Variants in AVIL observed in about 807,000 individuals in gnomAD.
AVIL encodes the protein advillin.
A neutral mutation model predicts 109.9 loss-of-function variants in AVIL; 78 were observed. That is an observed-to-expected ratio of 0.71 (90% CI 0.59 to 0.86). The LOEUF (loss-of-function observed/expected upper bound fraction) is 0.86. Among genes scored for constraint, AVIL ranks in the 40% least tolerant of loss-of-function variants. The probability of loss-of-function intolerance (pLI) is 0.00; values close to 1 mark genes in which losing one functional copy is unlikely to be tolerated. For missense variants in AVIL, 892 were observed against 1,016.5 expected (o/e 0.88, Z 1.67); for synonymous variants, 367 against 379.1 (o/e 0.97, Z 0.37).
intron 11 of AVIL, 27 bp downstream of exon 11, chr12:57,808,167 C>A: frequency 1.2e-6 from 2 of 1,609,372 alleles, no homozygotes; most frequent in Non-Finnish European, 1.7e-6. Context: ...GTGCTGTCTG[C>A]CCTGACATTT....
At position 57,814,215 on chromosome 12, in the gene AVIL, C is replaced by T. The variant is rs761775965; in HGVS notation, c.78G>A (p.Leu26=). The T allele has an allele frequency of 3.1e-6, 5 of 1,612,810 alleles. No homozygotes were observed. The African/African-American group carries it at 6.7e-5, about 22-fold the overall frequency. ...CGTGGGCGCTCACAGGCACCAGCGCCAGCTCCATTTTCTGGAAGGACAAGG... is the reference window on the plus strand; with the variant it reads ...CGTGGGCGCTCACAGGCACCAGCGCTAGCTCCATTTTCTGGAAGGACAAGG... ...IIVWRIEKME[L]ALVPVSAHGN... The change falls in exon 3 of 20, where the codon CTG becomes CTA. Residue 26 remains leucine, a synonymous_variant. Transcript: ENST00000549994.
intron 14 of AVIL, 118 bp from the exon 15 acceptor site, chr12:57,803,787 C>T (rs918782519): frequency 7.4e-7 from 1 of 1,359,454 alleles, no homozygotes; most frequent in East Asian, 2.5e-5. Flanking sequence ...AACCACAGTC[C>T]CTCAGCCTGG....
chr12:57,806,590 A>G, intron 13 of AVIL, 51 bp from the exon 14 acceptor site: 1 of 1,588,314 alleles, frequency 6.3e-7, no homozygotes, highest in East Asian at 2.2e-5. Flanking sequence ...ATGTGAGCAG[A>G]GTGCTAGAGG....
At chr12:57,805,432 CTGTT>C in intron 14 of AVIL, among the ~76,000 whole-genome samples, 1 of 152,196 alleles carries the variant, frequency 6.6e-6, no homozygotes, top group Middle Eastern at 3.4e-3. Context: ...TAGTGCCTGT[CTGTT>C]AGAGTCCACC....
chr12:57,799,550 C>A lies in AVIL; in HGVS notation c.2346+245G>T, dbSNP rs372637039. ...GATTGTAGTAAGTAGTCCATGATAG[C>A]TGGACTAGACTAGTAGCAGAGAAAT... On this transcript the variant is annotated intron_variant, in intron 19 of 19. Transcript: ENST00000549994. 6.6e-5 allele frequency among the ~76,000 whole-genome samples: 10 copies of A among 152,158 alleles called. No homozygotes were observed. In the East Asian group the frequency reaches 1.5e-3, roughly 23 times the overall value.
Position 57,808,213 on chromosome 12 carries a change from T to A in AVIL, c.1175A>T (p.Asp392Val), listed in dbSNP as rs1403672229. 6.2e-7 allele frequency: 1 copy of A among 1,614,212 alleles called. No homozygotes were observed. The highest frequency in any genetic ancestry group is 8.5e-7 in the Non-Finnish European group (1 of 1,180,044). The change falls in exon 11 of 20, where the codon GAT becomes GTT. Residue 392 changes from aspartate (D) to valine (V), a missense_variant. Physicochemically the swap from Asp to Val is radical, Grantham distance 152. Transcript: ENST00000549994. Reference sequence around the variant, plus strand: ...GCTTACCTCAACTTTTCCGTTGCCATCATCGACCATTCTTTCCTGGGCAGC... The same window carrying A: ...GCTTACCTCAACTTTTCCGTTGCCAACATCGACCATTCTTTCCTGGGCAGC... ...EVAAQERMVD[D>V]GNGKVEVWRI... is the part of the protein sequence containing the mutation.
At chr12:57,815,947 CAAGT>C (rs1054379550) in intron 2 of AVIL, 24 bp downstream of exon 2, 3 of 1,613,832 alleles carry the variant, frequency 1.9e-6, no homozygotes, top group East Asian at 2.2e-5. Flanking sequence ...CCAGTGGTCA[CAAGT>C]AAGGTGCCTC....
chr12:57,813,543 C>T, intron 3 of AVIL, 120 bp from the exon 4 acceptor site: 1 of 995,402 alleles, frequency 1.0e-6, no homozygotes, highest in Non-Finnish European at 1.5e-6. Context: ...GGCCCTCTCT[C>T]CTGCAGTGGA....
rs1181932479 is a variant in AVIL, at chr12:57,807,453, C to A, written c.1369G>T (p.Ala457Ser). 3 of 1,614,136 alleles carry A rather than the reference C, an allele frequency of 1.9e-6. No individual in the cohort carries two copies. Among genetic ancestry groups the A allele is most frequent in the Non-Finnish European group, 2.5e-6 (3 of 1,180,054 alleles). ...HASQDELAAS[A>S]YQAVEVDRQF... is the part of the protein sequence containing the mutation. ...CGATCCACCTCCACTGCCTGGTATGCTGAGGCTGCCAGCTCATCCTGTGAG... is the reference window on the plus strand; with the variant it reads ...CGATCCACCTCCACTGCCTGGTATGATGAGGCTGCCAGCTCATCCTGTGAG... Residue 457 changes from alanine (A) to serine (S), a missense_variant, in exon 13 of 20, where the codon GCA becomes TCA. Coordinates refer to ENST00000549994, the MANE Select transcript of AVIL (RefSeq NM_006576.4).
chr12:57,799,253 T>C lies in AVIL; in HGVS notation c.2346+542A>G, dbSNP rs1595153153. Reference sequence around the variant, plus strand: ...TTTTTCAGGCACGAACACTAGCAAGTGTAAAGGCTCAAAGGCTGGAATAAG... The same window carrying C: ...TTTTTCAGGCACGAACACTAGCAAGCGTAAAGGCTCAAAGGCTGGAATAAG... On this transcript the variant is annotated intron_variant, in intron 19 of 19. Coordinates refer to ENST00000549994, the MANE Select transcript of AVIL (RefSeq NM_006576.4). Among the ~76,000 whole-genome samples the C allele has an allele frequency of 1.3e-5, 2 of 152,238 alleles. 1 individual carries two copies.
chr12:57,803,539 T>A lies in AVIL; in HGVS notation c.1802A>T (p.Tyr601Phe). 6.2e-7 allele frequency: 1 copy of A among 1,614,162 alleles called. No individual in the cohort carries two copies. The highest frequency in any genetic ancestry group is 8.5e-7 in the Non-Finnish European group (1 of 1,180,020). Reference sequence around the variant, plus strand: ...GTTCCCATACCTTTTATCATTGGCATAGGGAGTTTTCCCTCCCAGTAGGTC... The same window carrying A: ...GTTCCCATACCTTTTATCATTGGCAAAGGGAGTTTTCCCTCCCAGTAGGTC... ...FWDLLGGKTP[Y>F]ANDKRLQQEI... The change falls in exon 15 of 20, where the codon TAT becomes TTT. Residue 601 changes from tyrosine to phenylalanine, a missense_variant. Physicochemically the swap from Tyr to Phe is conservative, Grantham distance 22. Coordinates refer to ENST00000549994, the MANE Select transcript of AVIL (RefSeq NM_006576.4).
In AVIL at chr12:57,815,982, C is replaced by A. The variant is rs1241712912; in HGVS notation, c.59G>T (p.Arg20Ile). 1.2e-6 allele frequency: 2 copies of A among 1,614,228 alleles called. No homozygotes were observed. Among genetic ancestry groups the A allele is most frequent in the Admixed American group, 1.7e-5 (1 of 60,032 alleles). The change falls in exon 2 of 20, where the codon AGA (arginine) becomes ATA (isoleucine). Residue 20 changes from arginine to isoleucine, a missense_variant. Physicochemically the swap from Arg to Ile is moderately conservative, Grantham distance 97 (BLOSUM62 -3). Transcript: ENST00000549994. The part of the protein sequence containing the change: ...VDNDPGIIVW[R>I]IEKMELALVP... ...GCCTCCAGCCCAGCTCACCTCTATT[C>A]TCCAGACAATGATCCCAGGGTCGTT...
In AVIL at chr12:57,798,004, G is replaced by C. The variant is rs1349345177; in HGVS notation, c.2347-9C>G. 2 of 1,583,934 alleles carry C rather than the reference G, an allele frequency of 1.3e-6. No homozygotes were observed. Among genetic ancestry groups the C allele is most frequent in the Non-Finnish European group, 1.7e-6 (2 of 1,166,496 alleles). Reference sequence around the variant, plus strand: ...TGTTCAGAGAGGTAATTCTAAGAGAGAAAACAAAGTTTCTAGTTAGAAGGA... The same window carrying C: ...TGTTCAGAGAGGTAATTCTAAGAGACAAAACAAAGTTTCTAGTTAGAAGGA... On this transcript the variant is annotated splice_polypyrimidine_tract_variant and intron_variant, in intron 19 of 19. Transcript: ENST00000549994.
chr12:57,807,586 C>T lies in AVIL; in HGVS notation c.1332+4G>A. 1 of 1,614,254 alleles carries T rather than the reference C, an allele frequency of 6.2e-7. No homozygotes were observed. Among genetic ancestry groups the T allele is most frequent in the Non-Finnish European group, 8.5e-7 (1 of 1,180,042 alleles). ...TCCAAAGCTGAAGCCTGTGCCAGGC[C>T]TACCTGCCAGATGTACAAGATGTGA... On this transcript the variant is annotated splice_donor_region_variant and intron_variant, in intron 12 of 19. Coordinates refer to ENST00000549994, the MANE Select transcript of AVIL (RefSeq NM_006576.4).
At chr12:57,816,333 G>A (rs1262163500) in intron 1 of AVIL, 2 of 352,712 alleles carry the variant, frequency 5.7e-6, no homozygotes, top group East Asian at 1.2e-4. Flanking sequence ...TTTACCAAAG[G>A]GGTGATAAAT....
In AVIL at chr12:57,806,496, A is replaced by G. The variant is rs1324330750; in HGVS notation, c.1535T>C (p.Val512Ala). ...ATTTCCATGAATTTGGAAGAGTCTT[A>G]CTGGAGGGTCAGGCTCGGCATTTCC... is the stretch of plus-strand genomic sequence containing the variant. Reference protein sequence around the residue: ...RKGNAEPDPPVRLFQIHGNDK... With the variant: ...RKGNAEPDPPARLFQIHGNDK... The change falls in exon 14 of 20, where the codon GTA (valine) becomes GCA (alanine). Residue 512 changes from valine (V) to alanine (A), a missense_variant. Physicochemically the swap from Val to Ala is moderately conservative, Grantham distance 64. Transcript: ENST00000549994. The G allele has an allele frequency of 1.2e-6, 2 of 1,614,088 alleles. No individual in the cohort carries two copies. The highest frequency in any genetic ancestry group is 1.7e-6 in the Non-Finnish European group (2 of 1,180,042).
chr12:57,810,995 G>C (rs374408011), intron 5 of AVIL, 24 bp downstream of exon 5: 1 of 1,613,818 alleles, frequency 6.2e-7, no homozygotes, highest in African/African-American at 1.3e-5. Context: ...CCCGGGCCTG[G>C]GGCAGAGAGT....
intron 13 of AVIL, 99 bp downstream of exon 13, chr12:57,807,232 T>C: frequency 1.3e-6 from 2 of 1,554,932 alleles, no homozygotes; most frequent in Non-Finnish European, 1.8e-6. Flanking sequence ...CAAGCCTGAC[T>C]CCCTACCCCA....
Position 57,813,331 on chromosome 12 carries a change from AT to A in AVIL, c.233del (p.Tyr78LeufsTer46). On this transcript the variant is annotated frameshift_variant, in exon 4 of 20. Coordinates refer to ENST00000549994, the MANE Select transcript of AVIL (RefSeq NM_006576.4). LOFTEE classifies it high-confidence loss of function. ...CCAGGTAGTCGTCCAGCTGTGTGGT[AT>A]ATATGGCTGCGCAGCTTTGCTCATC... Reference protein sequence around the residue: ...SQDEQSCAAIYTTQLDDYLGG... With the variant: ...SQDEQSCAAIXTTQLDDYLGG... 1 of 1,613,906 alleles carries A rather than the reference AT, an allele frequency of 6.2e-7. No individual in the cohort carries two copies. The highest frequency in any genetic ancestry group is 8.5e-7 in the Non-Finnish European group (1 of 1,179,960).
Sources: allele counts gnomAD v4.1 joint callset (sites outside exome capture counted in the v4.1 genomes callset), GRCh38; gene constraint gnomAD v4.1.1; transcripts MANE v1.5; gene names NCBI Gene and HGNC (gene_info 2026-07-23, HGNC 2026-07-21).